The following UTRN variants were observed in gnomAD, a reference collection of about 807,000 sequenced individuals.
The protein encoded by UTRN is dystrophin-related protein 1.
In UTRN, 283 loss-of-function variants were observed where a neutral mutation model predicts 463.9. The observed-to-expected ratio is 0.61, with a 90% CI of 0.55 to 0.67. The LOEUF (loss-of-function observed/expected upper bound fraction) is 0.67, where lower values mean the gene tolerates loss of function less well. Among genes scored for constraint, UTRN ranks in the 30% least tolerant of loss-of-function variants. The pLI is 0.00. For missense variants in UTRN, 3,922 were observed against 4,084.3 expected (o/e 0.96, Z 1.08); for synonymous variants, 1,442 against 1,431.5 (o/e 1.01, Z -0.17).
intron 51 of UTRN, among the ~76,000 whole-genome samples, chr6:144,646,464 A>G (rs2128664474): frequency 6.6e-6 from 1 of 152,310 alleles, no homozygotes; most frequent in South Asian, 2.1e-4. Context: ...ATAACAGAAC[A>G]ACATGACTGT....
intron 3 of UTRN, among the ~76,000 whole-genome samples, chr6:144,416,134 T>A (rs1784345057): frequency 6.6e-6 from 1 of 152,078 alleles, no homozygotes. Context: ...AAGGCATTCC[T>A]CTTTGATTAA....
intron 53 of UTRN, among the ~76,000 whole-genome samples, chr6:144,715,693 T>TCCCCCCCC (rs10660006): frequency 3.1e-5 from 4 of 131,022 alleles, no homozygotes; most frequent in Non-Finnish European, 4.6e-5. Context: ...CTCTCTCTCT[T>TCCCCCCCC]CCCCCCCCAC....
chr6:144,588,461 T>A (rs1332662517), intron 51 of UTRN, among the ~76,000 whole-genome samples: 1 of 152,220 alleles, frequency 6.6e-6, no homozygotes, highest in Non-Finnish European at 1.5e-5. Flanking sequence ...GGTAGCATTT[T>A]AAAATTCTTT....
chr6:144,348,145 C>T (rs190254017), intron 2 of UTRN, among the ~76,000 whole-genome samples: 21 of 152,178 alleles, frequency 1.4e-4, no homozygotes, highest in Admixed American at 9.8e-4. Flanking sequence ...CATGCCCAGC[C>T]GTGACTCACT....
Position 144,436,147 on chromosome 6 carries a change from C to CT in UTRN, c.1059+10dup. 1 of 1,610,252 alleles carries CT rather than the reference C, an allele frequency of 6.2e-7. No individual in the cohort carries two copies. The highest frequency in any genetic ancestry group is 8.5e-7 in the Non-Finnish European group (1 of 1,178,574). ...AGTTTGCAACCCATGAAGTAAATAT[C>CT]TGTAGTTTCTTAGCAGGGTGTGTCC... On this transcript the variant is annotated intron_variant, in intron 10 of 74. Coordinates refer to ENST00000367545, the MANE Select transcript of UTRN (RefSeq NM_007124.3).
chr6:144,685,500 A>G (rs1487860348), intron 52 of UTRN, among the ~76,000 whole-genome samples: 3 of 152,080 alleles, frequency 2.0e-5, no homozygotes, highest in South Asian at 2.1e-4. Context: ...AAGCATCCCC[A>G]TTTCACCACA....
Position 144,514,011 on chromosome 6 carries a change from A to G in UTRN, c.5047A>G (p.Thr1683Ala). The part of the protein sequence containing the change: ...ALLDEIEKKP[T>A]SKQEEIVKRL... ...ATTGGATGAAATTGAAAAGAAACCA[A>G]CAAGTAAACAGGAAGAAATTGTGAA... Residue 1683 changes from threonine (T) to alanine (A), a missense_variant, in exon 36 of 75, where the codon ACA (threonine) becomes GCA (alanine). Thr to Ala is a moderately conservative substitution (Grantham distance 58). Around this residue, in one of 3 missense-constraint regions of UTRN, gnomAD observed 2,349 missense variants for 2,303.8 expected, o/e 1.02. Transcript: ENST00000367545. 7 of 1,614,016 alleles carry G rather than the reference A, an allele frequency of 4.3e-6. No individual in the cohort carries two copies. The highest frequency in any genetic ancestry group is 1.1e-5 in the South Asian group (1 of 91,080).
intron 2 of UTRN, among the ~76,000 whole-genome samples, chr6:144,359,145 G>A (rs1778820062): frequency 1.3e-5 from 2 of 152,180 alleles, no homozygotes; most frequent in Non-Finnish European, 2.9e-5. Flanking sequence ...CTGTTGTAAG[G>A]ATTATATGAG....
chr6:144,521,773 T>G (rs757184512), intron 39 of UTRN, among the ~76,000 whole-genome samples: 15 of 152,052 alleles, frequency 9.9e-5, no homozygotes, highest in Non-Finnish European at 1.9e-4. Flanking sequence ...CTGTTTAATA[T>G]CATGCTGCAG....
chr6:144,386,853 T>G (rs1781465700), intron 2 of UTRN, among the ~76,000 whole-genome samples: 1 of 151,992 alleles, frequency 6.6e-6, no homozygotes, highest in Non-Finnish European at 1.5e-5. Context: ...TGGCGGATAT[T>G]AAAACACTCC....
At chr6:144,748,149 T>C in intron 54 of UTRN, 97 bp from the exon 55 acceptor site, 1 of 1,423,676 alleles carries the variant, frequency 7.0e-7, no homozygotes, top group Non-Finnish European at 9.2e-7. Context: ...TTACTTTTTC[T>C]CCGTATTTCT....
At chr6:144,721,854 G>A (rs939735541) in intron 53 of UTRN, among the ~76,000 whole-genome samples, 1 of 152,172 alleles carries the variant, frequency 6.6e-6, no homozygotes, top group African/African-American at 2.4e-5. Context: ...ATGCACTAAA[G>A]TTTGTATACA....
chr6:144,600,399 G>A (rs545862943), intron 51 of UTRN, among the ~76,000 whole-genome samples: 2 of 152,356 alleles, frequency 1.3e-5, no homozygotes, highest in African/African-American at 4.8e-5. Context: ...GACATTTAAA[G>A]TGCTACTCCA....
intron 2 of UTRN, among the ~76,000 whole-genome samples, chr6:144,302,889 G>A (rs1034826394): frequency 2.0e-5 from 3 of 152,204 alleles, no homozygotes; most frequent in Non-Finnish European, 4.4e-5. Context: ...GGCATTTGAA[G>A]TCTGTCCCTG....
At chr6:144,431,326 A>C (rs1292989726) in intron 9 of UTRN, among the ~76,000 whole-genome samples, 1 of 152,246 alleles carries the variant, frequency 6.6e-6, no homozygotes, top group Non-Finnish European at 1.5e-5. Flanking sequence ...TAAGAACTTC[A>C]GAAAACATTT....
intron 69 of UTRN, among the ~76,000 whole-genome samples, chr6:144,829,309 A>G (rs1011682789): frequency 1.3e-5 from 2 of 152,086 alleles, no homozygotes; most frequent in African/African-American, 4.8e-5. Context: ...CCTACCCTTC[A>G]TTGAAAACTG....
chr6:144,505,878 G>C (rs1225684039), intron 34 of UTRN, among the ~76,000 whole-genome samples: 1 of 152,120 alleles, frequency 6.6e-6, no homozygotes, highest in Non-Finnish European at 1.5e-5. Context: ...CTATTATTGT[G>C]TGGAAGTCTA....
In UTRN at chr6:144,651,448, T is replaced by C. The variant is rs192762534; in HGVS notation, c.7480-26958T>C. Among the ~76,000 whole-genome samples the C allele has an allele frequency of 4.8e-4, 73 of 152,292 alleles. 1 individual carries two copies. The Middle Eastern group carries it at 0.01, about 21-fold the overall frequency. The stretch of plus-strand genomic sequence containing the variant: ...AGAGTTCCAGGGTCAAGCAGCTAGA[T>C]AAGTGTCATAAAGGAAATCATGACA... On this transcript the variant is annotated intron_variant, in intron 51 of 74. Transcript: ENST00000367545.
intron 51 of UTRN, among the ~76,000 whole-genome samples, chr6:144,658,057 TGATG>T (rs2128670573): frequency 6.6e-6 from 1 of 152,332 alleles, no homozygotes; most frequent in Admixed American, 6.5e-5. Context: ...ACCACAGTTC[TGATG>T]GTTGGTCTTC....
Sources: gnomAD v4.1 joint callset for allele counts (sites outside exome capture counted in the v4.1 genomes callset) on GRCh38, gnomAD v4.1.1 for gene constraint, gnomAD v4.1.1 regional missense constraint, MANE v1.5 for transcripts, NCBI Gene and HGNC (gene_info 2026-07-23, HGNC 2026-07-21) for gene names.